The following NCKAP5 variants were observed in gnomAD, a reference collection of about 807,000 sequenced individuals.
NCKAP5 encodes the protein nck-associated protein 5.
NCKAP5 carries 92 observed loss-of-function variants against 167.0 expected under a neutral mutation model. The observed-to-expected ratio is 0.55, with a 90% CI of 0.47 to 0.66. The LOEUF (loss-of-function observed/expected upper bound fraction) is 0.66, where lower values mean the gene tolerates loss of function less well. Among genes scored for constraint, NCKAP5 ranks in the 30% least tolerant of loss-of-function variants. The probability of loss-of-function intolerance (pLI) is 0.00; values close to 1 mark genes in which losing one functional copy is unlikely to be tolerated. For synonymous variants in NCKAP5, 891 were observed against 877.4 expected, an observed-to-expected ratio of 1.02 and a Z score of -0.27; for missense variants, 2,378 against 2,315.0, an observed-to-expected ratio of 1.03 and a Z score of -0.56.
At chr2:133,631,183 A>C in the NCKAP5 span, among the ~76,000 whole-genome samples, 11 of 152,238 alleles carry the variant, frequency 7.2e-5, no homozygotes, top group East Asian at 1.7e-3. Flanking sequence ...TATGATTTTC[A>C]ATTATACAAA....
intron 19 of NCKAP5, among the ~76,000 whole-genome samples, chr2:132,716,388 A>T (rs2105356414): frequency 6.6e-6 from 1 of 152,240 alleles, no homozygotes; most frequent in Non-Finnish European, 1.5e-5. Context: ...TTTATTTAGC[A>T]CCATTGCCTA....
intron 5 of NCKAP5, among the ~76,000 whole-genome samples, chr2:133,180,419 C>T (rs1359844432): frequency 1.3e-5 from 2 of 152,010 alleles, no homozygotes; most frequent in East Asian, 1.9e-4. Context: ...ACGGCAGCCT[C>T]GAACTCCCCA....
At chr2:133,224,400 A>G (rs2086793342) in intron 4 of NCKAP5, among the ~76,000 whole-genome samples, 3 of 152,224 alleles carry the variant, frequency 2.0e-5, no homozygotes, top group African/African-American at 4.8e-5. Context: ...CTCATATTCA[A>G]TATCAGAAAC....
chr2:133,328,093 C>T (rs1430165), intron 3 of NCKAP5, among the ~76,000 whole-genome samples: 34,702 of 152,046 alleles, frequency 0.23, 4,233 homozygotes, highest in African/African-American at 0.31. Context: ...CCAAGTTACC[C>T]GATTGGTAGA....
At chr2:132,983,634 G>C (rs2077202869) in intron 7 of NCKAP5, among the ~76,000 whole-genome samples, 2 of 152,136 alleles carry the variant, frequency 1.3e-5, no homozygotes, top group African/African-American at 4.8e-5. Context: ...GCTATTGCAT[G>C]GAGAAAAGAA....
intron 18 of NCKAP5, among the ~76,000 whole-genome samples, chr2:132,728,353 G>A (rs1390101886): frequency 2.0e-5 from 3 of 152,124 alleles, no homozygotes; most frequent in East Asian, 1.9e-4. Context: ...CAGGGCTCAC[G>A]GATTCTAGCA....
At chr2:133,581,269 T>G in the NCKAP5 span, among the ~76,000 whole-genome samples, 1 of 152,214 alleles carries the variant, frequency 6.6e-6, no homozygotes, top group African/African-American at 2.4e-5. Flanking sequence ...AAAGGCTTTA[T>G]GCTGGTAAGA....
At chr2:133,287,464 G>T (rs1461891940) in intron 4 of NCKAP5, among the ~76,000 whole-genome samples, 2 of 152,140 alleles carry the variant, frequency 1.3e-5, no homozygotes, top group Non-Finnish European at 2.9e-5. Flanking sequence ...ATTTCTAGAG[G>T]ATATTGAAGA....
At chr2:133,298,331 T>C (rs1030976452) in intron 4 of NCKAP5, among the ~76,000 whole-genome samples, 1 of 152,188 alleles carries the variant, frequency 6.6e-6, no homozygotes, top group African/African-American at 2.4e-5. Context: ...TACCTTCTAT[T>C]GTTATTTAAA....
At chr2:132,867,551 T>C (rs1370030569) in intron 10 of NCKAP5, among the ~76,000 whole-genome samples, 2 of 152,190 alleles carry the variant, frequency 1.3e-5, no homozygotes, top group African/African-American at 4.8e-5. Context: ...GGAAGTGTCC[T>C]TTAAAAGACA....
intron 19 of NCKAP5, among the ~76,000 whole-genome samples, chr2:132,712,467 C>T (rs537114444): frequency 6.6e-6 from 1 of 152,154 alleles, no homozygotes; most frequent in Non-Finnish European, 1.5e-5. Context: ...CTGGCTAACA[C>T]AGTGAAACCC....
intron 3 of NCKAP5, among the ~76,000 whole-genome samples, chr2:133,497,348 T>A (rs1682036563): frequency 6.6e-6 from 1 of 152,206 alleles, no homozygotes; most frequent in Non-Finnish European, 1.5e-5. Context: ...AATACTCCCT[T>A]AATTACAAGG....
chr2:133,664,328 G>T, the NCKAP5 span, among the ~76,000 whole-genome samples: 1 of 152,104 alleles, frequency 6.6e-6, no homozygotes, highest in African/African-American at 2.4e-5. Context: ...AATATTAAAT[G>T]AGCATTGGCT....
intron 8 of NCKAP5, among the ~76,000 whole-genome samples, chr2:132,963,300 T>C (rs1272211056): frequency 6.6e-6 from 1 of 152,236 alleles, no homozygotes; most frequent in Non-Finnish European, 1.5e-5. Flanking sequence ...GATATGACTA[T>C]ACTGCTTATA....
chr2:132,685,931 C>T (rs11887210), intron 19 of NCKAP5, among the ~76,000 whole-genome samples: 12,809 of 151,992 alleles, frequency 0.084, 1,772 homozygotes, highest in African/African-American at 0.29. Context: ...AAGATCCTTC[C>T]CAGCAGTGAA....
intron 19 of NCKAP5, among the ~76,000 whole-genome samples, chr2:132,683,265 C>G (rs1252310001): frequency 1.2e-5 from 1 of 82,798 alleles, no homozygotes; most frequent in Non-Finnish European, 2.2e-5. Flanking sequence ...TGAATAGAAC[C>G]TAAAAAAAAA....
chr2:133,508,383 C>T (rs909203280), intron 3 of NCKAP5, among the ~76,000 whole-genome samples: 1 of 152,182 alleles, frequency 6.6e-6, no homozygotes, highest in Non-Finnish European at 1.5e-5. Flanking sequence ...CTTTGTAACC[C>T]CATCAGCCTT....
intron 8 of NCKAP5, among the ~76,000 whole-genome samples, chr2:132,898,229 C>T (rs1693354763): frequency 6.6e-6 from 1 of 152,192 alleles, no homozygotes; most frequent in South Asian, 2.1e-4. Context: ...TTTGCTCATC[C>T]ATAAGAAGCA....
chr2:133,542,110 A>G (rs555976615), intron 2 of NCKAP5, among the ~76,000 whole-genome samples: 4 of 152,122 alleles, frequency 2.6e-5, no homozygotes, highest in Non-Finnish European at 5.9e-5. Flanking sequence ...TCTGGTTTCA[A>G]TGTTGGGGAG....
Sources: allele counts gnomAD v4.1 joint callset (sites outside exome capture counted in the v4.1 genomes callset), GRCh38; gene constraint gnomAD v4.1.1; transcripts MANE v1.5; gene names NCBI Gene and HGNC (gene_info 2026-07-23, HGNC 2026-07-21).